Variants in WNT3A observed in about 807,000 individuals in gnomAD.
WNT3A encodes the protein Wnt family member 3A, also known as protein Wnt-3a.
WNT3A carries 17 observed loss-of-function variants against 37.0 expected under a neutral mutation model. That is an observed-to-expected ratio of 0.46 (90% CI 0.31 to 0.69). WNT3A has a LOEUF of 0.69. Among genes scored for constraint, WNT3A ranks in the 30% least tolerant of loss-of-function variants. The pLI is 0.05. For synonymous variants in WNT3A, 187 were observed against 211.0 expected, an observed-to-expected ratio of 0.89 and a Z score of 0.99; for missense variants, 411 against 510.2, an observed-to-expected ratio of 0.81 and a Z score of 1.87.
rs772175565 is a variant in WNT3A, at chr1:228,031,996, G to A, written c.313+9088G>A. ...CCATACCAGGTGATGGAGGAAGGCT[G>A]TGCTGCATGGGGTCAGAGGGGAACA... On this transcript the variant is annotated intron_variant, in intron 2 of 3. Transcript: ENST00000284523. This position sits in a 1 kb window ranked among gnomAD's most constrained non-coding sequence, Gnocchi z 4.8. 7.9e-5 allele frequency among the ~76,000 whole-genome samples: 12 copies of A among 152,204 alleles called. No homozygotes were observed. Among genetic ancestry groups the A allele is most frequent in the Non-Finnish European group, 1.5e-4 (10 of 68,034 alleles).
Position 228,022,974 on chromosome 1 carries a change from GC to G in WNT3A, c.313+68del. ...GGGACAGAGTCTCCCGCCTAGCGCT[GC>G]CTGACATTCTCATCTGTGCACACGG... On this transcript the variant is annotated intron_variant, in intron 2 of 3. Transcript: ENST00000284523. 7.1e-6 allele frequency: 11 copies of G among 1,542,768 alleles called. No homozygotes were observed. In the South Asian group the frequency reaches 8.7e-5, roughly 12 times the overall value.
chr1:228,042,171 G>A lies in WNT3A; in HGVS notation c.314-8485G>A, dbSNP rs900905545. Among the ~76,000 whole-genome samples, 2 of 152,144 alleles carry A rather than the reference G, an allele frequency of 1.3e-5. No homozygotes were observed. Among genetic ancestry groups the A allele is most frequent in the African/African-American group, 4.8e-5 (2 of 41,416 alleles). ...TTTTTGTATTTTTAGTAGAGACGGGGTTTCACCATGTTGGCCAGGATGGTC... is the reference window on the plus strand; with the variant it reads ...TTTTTGTATTTTTAGTAGAGACGGGATTTCACCATGTTGGCCAGGATGGTC... On this transcript the variant is annotated intron_variant, in intron 2 of 3. Transcript: ENST00000284523. This position sits in a 1 kb window ranked among gnomAD's most constrained non-coding sequence, Gnocchi z 5.2.
intron 2 of WNT3A, among the ~76,000 whole-genome samples, chr1:228,047,337 C>A (rs558728322): frequency 1.1e-3 from 169 of 152,328 alleles, no homozygotes; most frequent in Non-Finnish European, 2.2e-3. Flanking sequence ...GCTTTGTCAA[C>A]AGCCAGGGGG....
At position 228,007,733 on chromosome 1, in the gene WNT3A, G is replaced by T. The variant is rs1287974894; in HGVS notation, c.71+534G>T. Among the ~76,000 whole-genome samples, 1 of 152,062 alleles carries T rather than the reference G, an allele frequency of 6.6e-6. No individual in the cohort carries two copies. The highest frequency in any genetic ancestry group is 1.9e-4 in the East Asian group (1 of 5,152). Reference sequence around the variant, plus strand: ...ACCCGGCGGGGAGTGGCGCAGAGCCGGCGGCGGGGCGCACTGGGGGCCGGC... The same window carrying T: ...ACCCGGCGGGGAGTGGCGCAGAGCCTGCGGCGGGGCGCACTGGGGGCCGGC... On this transcript the variant is annotated intron_variant, in intron 1 of 3. Transcript: ENST00000284523. The surrounding 1 kb of genome is among the most constrained non-coding windows in gnomAD (Gnocchi z 6.0).
chr1:228,049,246 C>A (rs547490376), intron 2 of WNT3A, among the ~76,000 whole-genome samples: 6 of 152,078 alleles, frequency 3.9e-5, no homozygotes, highest in Non-Finnish European at 8.8e-5. Context: ...CAGAGGTGGG[C>A]GGTGTGTGGG....
intron 1 of WNT3A, among the ~76,000 whole-genome samples, chr1:228,013,578 G>A (rs563215571): frequency 6.6e-6 from 1 of 152,334 alleles, no homozygotes; most frequent in East Asian, 1.9e-4. Flanking sequence ...CTCCAGGCAG[G>A]GCTGGGCAGC....
At chr1:228,016,946 TGGGGCCCACTA>T (rs2030551137) in intron 1 of WNT3A, among the ~76,000 whole-genome samples, 1 of 152,048 alleles carries the variant, frequency 6.6e-6, no homozygotes, top group Non-Finnish European at 1.5e-5. Flanking sequence ...CCTAAATGGG[TGGGGCCCACTA>T]GGCCCCACCT....
chr1:228,046,496 CATGT>C (rs974290197), intron 2 of WNT3A, among the ~76,000 whole-genome samples: 5 of 144,074 alleles, frequency 3.5e-5, no homozygotes, highest in Non-Finnish European at 6.0e-5. Flanking sequence ...GTTGTGTGTG[CATGT>C]ATGTGTATGG....
chr1:228,049,862 C>T (rs1571813218), intron 2 of WNT3A, among the ~76,000 whole-genome samples: 1 of 152,268 alleles, frequency 6.6e-6, no homozygotes, highest in East Asian at 1.9e-4. Context: ...ACTGCAGCCT[C>T]AAACTCCTGG....
At chr1:228,022,567 C>T in intron 1 of WNT3A, 100 bp from the exon 2 acceptor site, 5 of 1,409,704 alleles carry the variant, frequency 3.5e-6, no homozygotes, top group Non-Finnish European at 4.7e-6. Context: ...GCGTCTCGCC[C>T]CCCGAATGCA....
intron 2 of WNT3A, among the ~76,000 whole-genome samples, chr1:228,041,827 T>G (rs1008257717): frequency 1.6e-4 from 25 of 152,146 alleles, no homozygotes; most frequent in African/African-American, 5.8e-4. Context: ...AGGCTTCCCC[T>G]GGTTCATTCT....
Position 228,042,786 on chromosome 1 carries a change from G to A in WNT3A, c.314-7870G>A, listed in dbSNP as rs2031317730. On this transcript the variant is annotated intron_variant, in intron 2 of 3. Transcript: ENST00000284523. The surrounding 1 kb of genome is among the most constrained non-coding windows in gnomAD (Gnocchi z 5.2). ...GGTGGATGATGGATGATAGATGGAT[G>A]ATGGATAGATGTGGATGATGGATGG... 6.6e-6 allele frequency among the ~76,000 whole-genome samples: 1 copy of A among 151,836 alleles called. No individual in the cohort carries two copies. Among genetic ancestry groups the A allele is most frequent in the Admixed American group, 6.6e-5 (1 of 15,236 alleles).
intron 1 of WNT3A, among the ~76,000 whole-genome samples, chr1:228,021,579 T>A (rs75114636): frequency 2.0e-5 from 3 of 152,152 alleles, no homozygotes; most frequent in Non-Finnish European, 4.4e-5. Context: ...TTATTCACTC[T>A]CCTATTGACG....
intron 1 of WNT3A, among the ~76,000 whole-genome samples, chr1:228,009,126 T>A (rs559406366): frequency 1.2e-3 from 183 of 151,966 alleles, no homozygotes; most frequent in Non-Finnish European, 2.3e-3. Context: ...CCACCACCAC[T>A]TTGTTCTCAG....
chr1:228,046,119 G>A (rs1284152268), intron 2 of WNT3A, among the ~76,000 whole-genome samples: 2 of 152,256 alleles, frequency 1.3e-5, no homozygotes, highest in African/African-American at 4.8e-5. Context: ...CCGAGGGGAG[G>A]ACAAAGGGCT....
intron 3 of WNT3A, 150 bp from the exon 4 acceptor site, chr1:228,058,836 G>T (rs2031733026): frequency 2.6e-6 from 2 of 763,400 alleles, no homozygotes; most frequent in East Asian, 5.4e-5. Context: ...CCATAGGAAG[G>T]GGGTGGCCCT....
rs763389055 is a variant in WNT3A at position 228,059,461 on chromosome 1, A to G, written c.1055A>G (p.Lys352Arg). Residue 352 changes from lysine (K) to arginine (R), a missense_variant, in exon 4 of 4, where the codon AAG becomes AGG. By Grantham distance (26) the Lys-to-Arg change is conservative. Transcript: ENST00000284523. ...CTRVYDVHTC[K>R] ...CGCGTCTACGACGTGCACACCTGCA[A>G]GTAGGCACCGGCCGCGGCTCCCCCT... is the stretch of plus-strand genomic sequence containing the variant. 2.7e-6 allele frequency: 4 copies of G among 1,506,974 alleles called. No homozygotes were observed. The highest frequency in any genetic ancestry group is 1.8e-6 in the Non-Finnish European group (2 of 1,134,330). The allele number at this position is 1,506,974 out of a possible 1,614,324, so 93.4% of individuals were successfully genotyped here. A position where few individuals can be genotyped will look rare whatever the true frequency, so the allele number is the denominator to read the frequency against.
chr1:228,019,253 G>A (rs2030620166), intron 1 of WNT3A, among the ~76,000 whole-genome samples: 1 of 152,210 alleles, frequency 6.6e-6, no homozygotes, highest in East Asian at 1.9e-4. Flanking sequence ...AGCTGAGGTG[G>A]TCCCGGCTCC....
intron 2 of WNT3A, among the ~76,000 whole-genome samples, chr1:228,036,374 T>G (rs529896277): frequency 1.9e-4 from 29 of 149,632 alleles, no homozygotes; most frequent in African/African-American, 7.0e-4. Flanking sequence ...TGTATGCATG[T>G]GCATGTGTGT....
Sources: gnomAD v4.1 joint callset for allele counts (sites outside exome capture counted in the v4.1 genomes callset) on GRCh38, gnomAD v4.1.1 for gene constraint, Gnocchi (gnomAD v3.1) non-coding constraint, MANE v1.5 for transcripts, NCBI Gene and HGNC (gene_info 2026-07-23, HGNC 2026-07-21) for gene names.